Variants in SH3GL3 observed in about 807,000 individuals in gnomAD.
SH3GL3 encodes the protein endophilin-A3.
SH3GL3 carries 33 observed loss-of-function variants against 47.7 expected under a neutral mutation model. That is an observed-to-expected ratio of 0.69 (90% CI 0.52 to 0.92). SH3GL3 has a LOEUF of 0.92. Ranked by LOEUF, SH3GL3 falls within the 40% of genes least tolerant of loss-of-function variation. SH3GL3 has a pLI of 0.00. For synonymous variants in SH3GL3, 155 were observed against 148.8 expected (o/e 1.04, Z -0.30); for missense variants, 363 against 417.8 (o/e 0.87, Z 1.14).
In SH3GL3 at chr15:83,559,284, GAACTA is replaced by G. The variant is rs1186230390; in HGVS notation, c.83_87del (p.Lys28ArgfsTer3). ...AGTGAAAAAATAAGTGGTGCTGAAG[GAACTA>G]AACTAGACGATGAATTTCTTGACAT... is the stretch of plus-strand genomic sequence containing the variant. On this transcript the variant is annotated frameshift_variant, in exon 2 of 9. Transcript: ENST00000427482. LOFTEE classifies it high-confidence loss of function. 6.3e-6 allele frequency: 10 copies of G among 1,592,530 alleles called. No homozygotes were observed. Among genetic ancestry groups the G allele is most frequent in the East Asian group, 2.2e-5 (1 of 44,762 alleles).
intron 1 of SH3GL3, among the ~76,000 whole-genome samples, chr15:83,508,572 A>T (rs776930999): frequency 2.6e-5 from 4 of 151,832 alleles, no homozygotes; most frequent in Admixed American, 2.0e-4. Flanking sequence ...TAGGGACAAG[A>T]TGGGCTTACT....
At chr15:83,583,101 G>A (rs1404788865) in intron 6 of SH3GL3, among the ~76,000 whole-genome samples, 2 of 152,198 alleles carry the variant, frequency 1.3e-5, no homozygotes, top group Non-Finnish European at 2.9e-5. Context: ...ACCTCTATGG[G>A]AAATGTGCCT....
At chr15:83,519,491 C>A (rs1432499832) in intron 1 of SH3GL3, among the ~76,000 whole-genome samples, 1 of 152,180 alleles carries the variant, frequency 6.6e-6, no homozygotes, top group African/African-American at 2.4e-5. Context: ...TATAGAAATG[C>A]TACTGATTTT....
At chr15:83,597,595 T>G (rs2060266563) in intron 8 of SH3GL3, among the ~76,000 whole-genome samples, 1 of 151,160 alleles carries the variant, frequency 6.6e-6, no homozygotes, top group South Asian at 2.1e-4. Flanking sequence ...TAGTTTTATT[T>G]TATTTTATTA....
At chr15:83,467,040 T>G (rs935625271) in intron 1 of SH3GL3, among the ~76,000 whole-genome samples, 4 of 152,346 alleles carry the variant, frequency 2.6e-5, no homozygotes, top group Admixed American at 2.0e-4. Flanking sequence ...AGCAAAAGTT[T>G]TACATTTTGA....
At chr15:83,509,498 A>G (rs144414659) in intron 1 of SH3GL3, among the ~76,000 whole-genome samples, 3 of 152,356 alleles carry the variant, frequency 2.0e-5, no homozygotes, top group East Asian at 1.9e-4. Flanking sequence ...TTATTGCTCA[A>G]TAGTGGGAGA....
intron 2 of SH3GL3, among the ~76,000 whole-genome samples, chr15:83,564,190 A>G (rs2045425948): frequency 6.6e-6 from 1 of 152,142 alleles, no homozygotes; most frequent in African/African-American, 2.4e-5. Flanking sequence ...ATTTTTAATC[A>G]TGTATATAGT....
At chr15:83,630,551 A>G in the SH3GL3 span, among the ~76,000 whole-genome samples, 1 of 152,048 alleles carries the variant, frequency 6.6e-6, no homozygotes, top group African/African-American at 2.4e-5. Flanking sequence ...GGAAACTTAC[A>G]CTCATGGCAG....
chr15:83,469,584 T>G (rs2040737322), intron 1 of SH3GL3, among the ~76,000 whole-genome samples: 1 of 152,234 alleles, frequency 6.6e-6, no homozygotes, highest in Non-Finnish European at 1.5e-5. Flanking sequence ...GATCCATGTA[T>G]CATTTAGAAG....
At chr15:83,616,364 T>G (rs1014249020) in intron 8 of SH3GL3, among the ~76,000 whole-genome samples, 2 of 149,660 alleles carry the variant, frequency 1.3e-5, no homozygotes, top group African/African-American at 4.9e-5. Flanking sequence ...GCCATTCTCC[T>G]GCCTCAGCCT....
intron 8 of SH3GL3, among the ~76,000 whole-genome samples, chr15:83,589,819 T>C (rs1221367587): frequency 6.6e-6 from 1 of 152,250 alleles, no homozygotes; most frequent in Admixed American, 6.5e-5. Flanking sequence ...CATAGTTTTC[T>C]ATTATACCAT....
chr15:83,569,093 C>T (rs994712231), intron 4 of SH3GL3, among the ~76,000 whole-genome samples: 3 of 152,034 alleles, frequency 2.0e-5, no homozygotes, highest in African/African-American at 4.8e-5. Flanking sequence ...GACAGGGTTT[C>T]GCCATTTTGG....
intron 1 of SH3GL3, among the ~76,000 whole-genome samples, chr15:83,504,891 TATA>T (rs745773056): frequency 3.9e-5 from 6 of 152,228 alleles, no homozygotes; most frequent in Non-Finnish European, 8.8e-5. Context: ...TTCTGACTTT[TATA>T]ATAATAATTT....
intron 1 of SH3GL3, among the ~76,000 whole-genome samples, chr15:83,494,826 G>A (rs2042017239): frequency 6.6e-6 from 1 of 152,130 alleles, no homozygotes; most frequent in Non-Finnish European, 1.5e-5. Flanking sequence ...TTACAGGTGT[G>A]ACCCACCGCA....
At chr15:83,560,201 A>G (rs2045193092) in intron 2 of SH3GL3, among the ~76,000 whole-genome samples, 1 of 152,206 alleles carries the variant, frequency 6.6e-6, no homozygotes, top group Non-Finnish European at 1.5e-5. Context: ...TACAGTAGGT[A>G]GCAGAGATGT....
chr15:83,481,042 G>A (rs1016712229), intron 1 of SH3GL3, among the ~76,000 whole-genome samples: 3 of 152,112 alleles, frequency 2.0e-5, no homozygotes, highest in Non-Finnish European at 4.4e-5. Flanking sequence ...TTGGGAGGCC[G>A]AGGCGGGCGG....
At chr15:83,536,569 A>G (rs2043922094) in intron 1 of SH3GL3, among the ~76,000 whole-genome samples, 1 of 151,508 alleles carries the variant, frequency 6.6e-6, no homozygotes, top group Non-Finnish European at 1.5e-5. Flanking sequence ...TGCCCGGCTA[A>G]TTTTTATATT....
intron 1 of SH3GL3, among the ~76,000 whole-genome samples, chr15:83,468,327 T>C (rs2040670990): frequency 6.6e-6 from 1 of 152,236 alleles, no homozygotes; most frequent in African/African-American, 2.4e-5. Flanking sequence ...GGGACACTTT[T>C]ATTTCTTCCT....
the SH3GL3 span, among the ~76,000 whole-genome samples, chr15:83,624,856 C>T: frequency 1.3e-5 from 2 of 152,104 alleles, no homozygotes; most frequent in South Asian, 2.1e-4. Context: ...CCAAGGAACC[C>T]TGGGAACCTT....
Sources: gnomAD v4.1 joint callset for allele counts (sites outside exome capture counted in the v4.1 genomes callset) on GRCh38, gnomAD v4.1.1 for gene constraint, MANE v1.5 for transcripts, NCBI Gene and HGNC (gene_info 2026-07-23, HGNC 2026-07-21) for gene names.